Variants in VPS13A observed in about 807,000 individuals in gnomAD.
VPS13A encodes vacuolar protein sorting 13 homolog A.
Under a neutral mutation model 390.9 loss-of-function variants are expected in VPS13A, and 264 were observed. The observed-to-expected ratio is 0.68, with a 90% CI of 0.61 to 0.75. The LOEUF is 0.75. Among genes scored for constraint, VPS13A ranks in the 30% least tolerant of loss-of-function variants. VPS13A has a pLI of 0.00. For missense variants in VPS13A, 3,409 were observed against 3,733.9 expected (o/e 0.91, Z 2.27); for synonymous variants, 1,231 against 1,227.1 (o/e 1.00, Z -0.07).
At chr9:77,411,189 C>T (rs1834902738) in intron 71 of VPS13A, among the ~76,000 whole-genome samples, 1 of 152,158 alleles carries the variant, frequency 6.6e-6, no homozygotes, top group Non-Finnish European at 1.5e-5. Flanking sequence ...TGAATGACTA[C>T]TGGGTACATA....
At chr9:77,217,593 T>C (rs1822933697) in intron 10 of VPS13A, among the ~76,000 whole-genome samples, 1 of 152,204 alleles carries the variant, frequency 6.6e-6, no homozygotes, top group Non-Finnish European at 1.5e-5. Context: ...TTGTTTCACT[T>C]AAGATAATGG....
chr9:77,194,894 A>G (rs1017802889), intron 1 of VPS13A, among the ~76,000 whole-genome samples: 1 of 151,928 alleles, frequency 6.6e-6, no homozygotes, highest in East Asian at 1.9e-4. Context: ...CTCTGTGTCT[A>G]CTTGGCCACC....
At chr9:77,376,020 G>C (rs1833048244) in intron 67 of VPS13A, among the ~76,000 whole-genome samples, 1 of 152,268 alleles carries the variant, frequency 6.6e-6, no homozygotes, top group African/African-American at 2.4e-5. Flanking sequence ...GTAGGGAGGA[G>C]GGTTGCTATT....
rs554039975 is a variant in VPS13A, at chr9:77,192,349, G to T, written c.101-7596G>T. Among the ~76,000 whole-genome samples, 5 of 152,250 alleles carry T rather than the reference G, an allele frequency of 3.3e-5. No individual in the cohort carries two copies. The South Asian group carries it at 1.0e-3, about 32-fold the overall frequency. On this transcript the variant is annotated intron_variant, in intron 1 of 71. Transcript: ENST00000360280. ...TGTTTAGCCTGTTTACATTCAAGAT[G>T]AATATTGTTATGTGCTGATTTCATC... is the stretch of plus-strand genomic sequence containing the variant.
rs76316027 is a variant in VPS13A at position 77,415,859 on chromosome 9, A to G, written c.9475-97A>G. 103 of 1,452,268 alleles carry G rather than the reference A, an allele frequency of 7.1e-5. No homozygotes were observed. In the African/African-American group the frequency reaches 1.3e-3, roughly 18 times the overall value. The allele number at this position is 1,452,268 out of a possible 1,614,324, so 90.0% of individuals were successfully genotyped here. Reference sequence around the variant, plus strand: ...TTGGCTGTCAGTATTACACCTAACTAAACTATAAAGCTAACTTCTAGATCT... The same window carrying G: ...TTGGCTGTCAGTATTACACCTAACTGAACTATAAAGCTAACTTCTAGATCT... On this transcript the variant is annotated intron_variant, in intron 71 of 71. Coordinates refer to ENST00000360280, the MANE Select transcript of VPS13A (RefSeq NM_033305.3).
Position 77,317,844 on chromosome 9 carries a change from G to T in VPS13A, c.4956+146G>T, listed in dbSNP as rs916333189. On this transcript the variant is annotated intron_variant, in intron 40 of 71. Transcript: ENST00000360280. ...TACGTTTTTATGAGATATTTACAAA[G>T]TAATATTATTTAATACACATTTTAT... 4.0e-5 allele frequency: 21 copies of T among 530,690 alleles called. No individual in the cohort carries two copies. In the African/African-American group the frequency reaches 4.1e-4, roughly 10 times the overall value. 32.9% of individuals were successfully genotyped at this position (530,690 alleles called of 1,614,324 possible).
chr9:77,197,204 T>C (rs1825054475), intron 1 of VPS13A, among the ~76,000 whole-genome samples: 1 of 152,216 alleles, frequency 6.6e-6, no homozygotes, highest in African/African-American at 2.4e-5. Flanking sequence ...CTGGAGAATG[T>C]CCCATGTGCA....
intron 59 of VPS13A, among the ~76,000 whole-genome samples, chr9:77,361,781 C>T (rs1832152778): frequency 6.6e-6 from 1 of 152,044 alleles, no homozygotes; most frequent in Admixed American, 6.5e-5. Flanking sequence ...TATGAGGGCT[C>T]TGATTTTTCC....
At chr9:77,370,826 A>C in intron 65 of VPS13A, 64 bp from the exon 66 acceptor site, 1 of 1,603,596 alleles carries the variant, frequency 6.2e-7, no homozygotes, top group Non-Finnish European at 8.5e-7. Context: ...TGTGTAATCC[A>C]AACTTGGTTC....
intron 23 of VPS13A, among the ~76,000 whole-genome samples, chr9:77,271,084 A>G (rs2131320034): frequency 6.6e-6 from 1 of 152,352 alleles, no homozygotes; most frequent in Non-Finnish European, 1.5e-5. Flanking sequence ...CAAACCATCT[A>G]ACCATCCACT....
chr9:77,321,423 C>G (rs979788830), intron 43 of VPS13A, 68 bp from the exon 44 acceptor site: 2 of 1,594,156 alleles, frequency 1.3e-6, no homozygotes, highest in Admixed American at 1.7e-5. Flanking sequence ...GTCATTTGTC[C>G]TTTACTGTTC....
In VPS13A at chr9:77,283,560, G is replaced by A. The variant is rs748592365; in HGVS notation, c.3249G>A (p.Glu1083=). 4 of 1,613,506 alleles carry A rather than the reference G, an allele frequency of 2.5e-6. No homozygotes were observed. The highest frequency in any genetic ancestry group is 2.5e-6 in the Non-Finnish European group (3 of 1,179,674). Residue 1083 remains glutamate, a synonymous_variant, in exon 31 of 72, where the codon GAG becomes GAA. Transcript: ENST00000360280. ...TTGTTCCCTTAGGGCTTGATTCTGA[G>A]ATGATTATGAGGCCTTCAGAAACTG... ...SEIKIEGLDS[E]MIMRPSETEI... is the part of the protein sequence containing the mutation.
At position 77,318,524 on chromosome 9, in the gene VPS13A, C is replaced by T. The variant is rs781398633; in HGVS notation, c.5246C>T (p.Ser1749Leu). 40 of 1,613,776 alleles carry T rather than the reference C, an allele frequency of 2.5e-5. No individual in the cohort carries two copies. The Admixed American group carries it at 3.5e-4, about 14-fold the overall frequency. Reference sequence around the variant, plus strand: ...ACAGTACCTATGCTTCTGGCAAAGTCACGTTTTTCAGGGGAAGGCAAAAAC... The same window carrying T: ...ACAGTACCTATGCTTCTGGCAAAGTTACGTTTTTCAGGGGAAGGCAAAAAC... ...HRTVPMLLAK[S>L]RFSGEGKNWS... The change falls in exon 41 of 72, where the codon TCA becomes TTA. Residue 1749 changes from serine (S) to leucine (L), a missense_variant. Physicochemically the swap from Ser to Leu is moderately radical, Grantham distance 145. This residue lies in a region of VPS13A where 2,717 missense variants were observed against 2,917.4 expected (regional missense o/e 0.93). Coordinates refer to ENST00000360280, the MANE Select transcript of VPS13A (RefSeq NM_033305.3).
chr9:77,315,110 C>T (rs1829311108), intron 37 of VPS13A, 143 bp from the exon 38 acceptor site: 2 of 719,768 alleles, frequency 2.8e-6, no homozygotes, highest in African/African-American at 1.8e-5. Context: ...ATTTGGAACA[C>T]TTTATGGATC....
intron 51 of VPS13A, among the ~76,000 whole-genome samples, chr9:77,344,533 G>A (rs1269844454): frequency 2.0e-5 from 3 of 152,050 alleles, no homozygotes; most frequent in African/African-American, 4.8e-5. Flanking sequence ...CGAGGCAGGC[G>A]GATCAGGAGG....
chr9:77,305,155 G>A (rs976735787), intron 34 of VPS13A, among the ~76,000 whole-genome samples: 5 of 152,030 alleles, frequency 3.3e-5, no homozygotes, highest in South Asian at 2.1e-4. Context: ...AGCCAGGATG[G>A]TCTTGATCTC....
chr9:77,242,868 C>T (rs1824588211), intron 19 of VPS13A, among the ~76,000 whole-genome samples: 1 of 151,874 alleles, frequency 6.6e-6, no homozygotes, highest in Admixed American at 6.6e-5. Context: ...CAGTATTTTA[C>T]CTTCTGTACA....
chr9:77,325,388 G>A (rs1224292378), intron 45 of VPS13A, among the ~76,000 whole-genome samples: 1 of 148,364 alleles, frequency 6.7e-6, no homozygotes, highest in Non-Finnish European at 1.5e-5. Context: ...TAGCCACCAT[G>A]TAGTTAGACC....
Position 77,312,055 on chromosome 9 carries a change from A to G in VPS13A, c.4115-1937A>G, listed in dbSNP as rs570461069. Among the ~76,000 whole-genome samples, 232 of 152,310 alleles carry G rather than the reference A, an allele frequency of 1.5e-3. 1 individual carries two copies. The highest frequency in any genetic ancestry group is 5.4e-3 in the African/African-American group (223 of 41,586). ...CTGTAGAGTAAGATATTAGAAATGA[A>G]TAAGTTTTAAAATCAAAGATTAAAT... On this transcript the variant is annotated intron_variant, in intron 35 of 71. Transcript: ENST00000360280.
Sources: allele counts gnomAD v4.1 joint callset (sites outside exome capture counted in the v4.1 genomes callset), GRCh38; gene constraint gnomAD v4.1.1; regional missense constraint gnomAD v4.1.1; transcripts MANE v1.5; gene names NCBI Gene and HGNC (gene_info 2026-07-23, HGNC 2026-07-21).